The following DNAH14 variants were observed in gnomAD, a reference collection of about 807,000 sequenced individuals.
DNAH14 encodes dynein axonemal heavy chain 14.
DNAH14 carries 478 observed loss-of-function variants against 520.9 expected under a neutral mutation model. The observed-to-expected ratio is 0.92, with a 90% confidence interval of 0.85 to 0.99. DNAH14 has a LOEUF of 0.99. Among genes scored for constraint, DNAH14 ranks in the 50% least tolerant of loss-of-function variants. The pLI, the probability that DNAH14 is intolerant of heterozygous loss-of-function variation, is 0.00. For synonymous variants in DNAH14, 1,581 were observed against 1,757.2 expected, an observed-to-expected ratio of 0.90 and a Z score of 2.51; for missense variants, 4,831 against 5,234.5, an observed-to-expected ratio of 0.92 and a Z score of 2.38.
intron 74 of DNAH14, among the ~76,000 whole-genome samples, chr1:225,359,323 G>A (rs1464244703): frequency 4.6e-5 from 7 of 152,210 alleles, no homozygotes; most frequent in Admixed American, 2.0e-4. Context: ...AGTTGGACTC[G>A]CCCTTATGTC....
At chr1:225,371,398 A>G (rs2095617061) in intron 77 of DNAH14, among the ~76,000 whole-genome samples, 1 of 152,080 alleles carries the variant, frequency 6.6e-6, no homozygotes, top group African/African-American at 2.4e-5. Flanking sequence ...TCTAGTAAAA[A>G]CCTAAAGTAA....
At chr1:224,965,107 A>G (rs2061080032) in intron 5 of DNAH14, among the ~76,000 whole-genome samples, 1 of 152,040 alleles carries the variant, frequency 6.6e-6, no homozygotes, top group Non-Finnish European at 1.5e-5. Context: ...TAGCTTGTCC[A>G]AGGTCACATG....
At chr1:225,113,239 G>T (rs890387915) in intron 23 of DNAH14, among the ~76,000 whole-genome samples, 2 of 152,138 alleles carry the variant, frequency 1.3e-5, no homozygotes, top group Non-Finnish European at 1.5e-5. Context: ...TGCAGACAAG[G>T]TACCACCTTG....
At chr1:225,242,570 A>G (rs934063619) in intron 43 of DNAH14, among the ~76,000 whole-genome samples, 2 of 152,198 alleles carry the variant, frequency 1.3e-5, no homozygotes, top group East Asian at 1.9e-4. Context: ...CAGAGCTGTC[A>G]TCTCCTAGGA....
At chr1:225,391,757 G>A (rs928356183) in intron 83 of DNAH14, among the ~76,000 whole-genome samples, 2 of 152,080 alleles carry the variant, frequency 1.3e-5, no homozygotes, top group African/African-American at 4.8e-5. Context: ...CAGGCATGGT[G>A]AGTTCGAGAT....
Position 225,398,581 on chromosome 1 carries a change from G to A in DNAH14, c.13553G>A (p.Trp4518Ter), listed in dbSNP as rs1575206850. The stretch of plus-strand genomic sequence containing the variant: ...GGTTTATTCATCGAGGGGGCAAGAT[G>A]GAATCGTGAACAGAAAATACTGGAA... ...IFGLFIEGARWNREQKILEDS... is the reference protein window; with the variant it reads ...IFGLFIEGAR Residue 4518 changes from tryptophan (W) to a stop codon, truncating the protein, a stop_gained, in exon 85 of 86, where the codon TGG (tryptophan) becomes TAG (stop). Coordinates refer to ENST00000682510, the MANE Select transcript of DNAH14 (RefSeq NM_001367479.1). LOFTEE classifies it high-confidence loss of function. 3 of 1,551,730 alleles carry A rather than the reference G, an allele frequency of 1.9e-6. No homozygotes were observed. The East Asian group carries it at 7.3e-5, about 38-fold the overall frequency.
In DNAH14 at chr1:225,038,129, A is replaced by G. The variant is rs368948840; in HGVS notation, c.1359-565A>G. 2.1e-4 allele frequency among the ~76,000 whole-genome samples: 32 copies of G among 152,118 alleles called. 1 individual carries two copies. The highest frequency in any genetic ancestry group is 7.2e-4 in the African/African-American group (30 of 41,436). On this transcript the variant is annotated intron_variant, in intron 11 of 85. Coordinates refer to ENST00000682510, the MANE Select transcript of DNAH14 (RefSeq NM_001367479.1). ...TTCTTGTAGGATAGATCTGGTATTGATGATAAGTGTCTGGCAAAACCCTCA... is the reference window on the plus strand; with the variant it reads ...TTCTTGTAGGATAGATCTGGTATTGGTGATAAGTGTCTGGCAAAACCCTCA...
At chr1:225,101,321 G>C (rs376672406) in intron 23 of DNAH14, among the ~76,000 whole-genome samples, 1 of 151,854 alleles carries the variant, frequency 6.6e-6, no homozygotes, top group Non-Finnish European at 1.5e-5. Context: ...CAAGGTAAAC[G>C]TATCCGTAGC....
chr1:225,216,390 G>T (rs1415792201), intron 41 of DNAH14, among the ~76,000 whole-genome samples: 1 of 152,072 alleles, frequency 6.6e-6, no homozygotes, highest in Non-Finnish European at 1.5e-5. Flanking sequence ...TGCTCTTCTC[G>T]AGGAGTATCT....
chr1:225,132,543 A>G (rs572830879), intron 27 of DNAH14, among the ~76,000 whole-genome samples: 2 of 152,302 alleles, frequency 1.3e-5, no homozygotes, highest in South Asian at 4.1e-4. Flanking sequence ...TGCAAAGGAC[A>G]TGATCTCATT....
At chr1:225,334,884 A>C (rs11584910) in intron 66 of DNAH14, among the ~76,000 whole-genome samples, 1 of 143,156 alleles carries the variant, frequency 7.0e-6, no homozygotes. Flanking sequence ...CTACATATAT[A>C]TGTGTGTGTG....
chr1:225,135,852 G>A (rs1187813296), intron 27 of DNAH14, among the ~76,000 whole-genome samples: 17 of 149,116 alleles, frequency 1.1e-4, no homozygotes, highest in Non-Finnish European at 1.5e-5. Context: ...TGTTTTGGGT[G>A]CATATATATT....
rs2068551524 is a variant in DNAH14, at chr1:225,051,721, A to G, written c.2350A>G (p.Ile784Val). The change falls in exon 17 of 86, where the codon ATT (isoleucine) becomes GTT (valine). Residue 784 changes from isoleucine (I) to valine (V), a missense_variant. Ile to Val is a conservative substitution (Grantham distance 29). Coordinates refer to ENST00000682510, the MANE Select transcript of DNAH14 (RefSeq NM_001367479.1). ...TTATCAATCAGAATGCTTACTGTAT[A>G]TTGACAACGTCATACATATGAGCCA... ...LDYQSECLLY[I>V]DNVIHMSHTL... is the part of the protein sequence containing the mutation. The G allele has an allele frequency of 1.3e-6, 2 of 1,551,042 alleles. No individual in the cohort carries two copies. Among genetic ancestry groups the G allele is most frequent in the Non-Finnish European group, 1.7e-6 (2 of 1,146,666 alleles).
chr1:224,980,381 G>A (rs947865999), intron 8 of DNAH14, among the ~76,000 whole-genome samples: 1 of 152,066 alleles, frequency 6.6e-6, no homozygotes, highest in Non-Finnish European at 1.5e-5. Flanking sequence ...TGGTGGCCAC[G>A]GGGATTTCCT....
At chr1:225,338,455 G>C (rs1482143173) in intron 68 of DNAH14, among the ~76,000 whole-genome samples, 1 of 152,084 alleles carries the variant, frequency 6.6e-6, no homozygotes, top group East Asian at 1.9e-4. Flanking sequence ...GCTATGCAGA[G>C]GGGAGCAAGC....
intron 41 of DNAH14, among the ~76,000 whole-genome samples, chr1:225,215,708 G>A (rs1434710249): frequency 6.6e-6 from 1 of 152,078 alleles, no homozygotes; most frequent in African/African-American, 2.4e-5. Flanking sequence ...TTAGAGACTA[G>A]GATTGCAACC....
chr1:225,326,880 CA>C (rs1006389548), intron 64 of DNAH14, among the ~76,000 whole-genome samples: 1 of 151,480 alleles, frequency 6.6e-6, no homozygotes, highest in African/African-American at 2.4e-5. Flanking sequence ...TTAAACAATC[CA>C]AAAATCATGG....
At chr1:225,206,923 T>A in intron 40 of DNAH14, 45 bp from the exon 41 acceptor site, 3 of 1,384,800 alleles carry the variant, frequency 2.2e-6, no homozygotes, top group Non-Finnish European at 2.8e-6. Context: ...GGATACCATA[T>A]TTTTATTTAT....
chr1:225,046,909 T>G (rs1178066539), intron 15 of DNAH14, among the ~76,000 whole-genome samples: 4 of 152,184 alleles, frequency 2.6e-5, no homozygotes, highest in Non-Finnish European at 5.9e-5. Context: ...CCTCCATCCT[T>G]GTCTTGTGAC....
Sources: gnomAD v4.1 joint callset for allele counts (sites outside exome capture counted in the v4.1 genomes callset) on GRCh38, gnomAD v4.1.1 for gene constraint, MANE v1.5 for transcripts, NCBI Gene and HGNC (gene_info 2026-07-23, HGNC 2026-07-21) for gene names.